GYG1: variants seen among roughly 807,000 people sequenced by gnomAD.
GYG1 encodes the protein glycogenin-1.
A neutral mutation model predicts 41.9 loss-of-function variants in GYG1; 44 were observed. The observed-to-expected ratio is 1.05, with a 90% CI of 0.83 to 1.35. The LOEUF (loss-of-function observed/expected upper bound fraction) is 1.35. GYG1 is among the 40% of genes most tolerant of loss of function. The pLI is 0.00. For missense variants in GYG1, 429 were observed against 418.9 expected, an observed-to-expected ratio of 1.02 and a Z score of -0.21; for synonymous variants, 141 against 158.1, an observed-to-expected ratio of 0.89 and a Z score of 0.81.
Position 148,991,580 on chromosome 3 carries a change from G to T in GYG1, c.-61G>T, listed in dbSNP as rs919946154. The T allele has an allele frequency of 1.3e-6, 2 of 1,541,832 alleles. No homozygotes were observed. The highest frequency in any genetic ancestry group is 1.7e-6 in the Non-Finnish European group (2 of 1,151,648). On this transcript the variant is annotated 5_prime_UTR_variant, in exon 1 of 8. Transcript: ENST00000345003. ...CTCGCTGGCCGCGCTCCCTCCCGGT[G>T]CCGGCTTCTCTGAGTCACCAACCTG...
intron 4 of GYG1, chr3:149,008,293 C>T (rs1255602268): frequency 1.3e-5 from 2 of 152,288 alleles, no homozygotes; most frequent in Non-Finnish European, 2.9e-5. Flanking sequence ...AGTGTACAAC[C>T]TGATCCCTAT....
At chr3:149,007,207 A>T (rs1490065710) in intron 4 of GYG1, among the ~76,000 whole-genome samples, 1 of 152,230 alleles carries the variant, frequency 6.6e-6, no homozygotes, top group African/African-American at 2.4e-5. Flanking sequence ...CACAAATCCT[A>T]TGCATGAGGG....
chr3:149,023,272 T>C (rs1285840855), intron 5 of GYG1, among the ~76,000 whole-genome samples: 4 of 152,232 alleles, frequency 2.6e-5, no homozygotes, highest in Non-Finnish European at 5.9e-5. Flanking sequence ...CCATAGGACA[T>C]GTCCAACATC....
rs1342482063 is a variant in GYG1, at chr3:149,027,229, G to C, written c.*296G>C. The C allele has an allele frequency of 2.4e-6, 1 of 423,546 alleles. No homozygotes were observed. The allele number at this position is 423,546 out of a possible 1,614,324, so 26.2% of individuals were successfully genotyped here. On this transcript the variant is annotated 3_prime_UTR_variant, in exon 8 of 8. Transcript: ENST00000345003. Reference sequence around the variant, plus strand: ...GGAAACTCAAGATATTAAGATGGCTGTATCAGTTCTTAAAATCTGCAGAGC... The same window carrying C: ...GGAAACTCAAGATATTAAGATGGCTCTATCAGTTCTTAAAATCTGCAGAGC...
intron 4 of GYG1, among the ~76,000 whole-genome samples, chr3:149,007,311 C>G (rs1713458850): frequency 6.6e-6 from 1 of 152,200 alleles, no homozygotes; most frequent in Non-Finnish European, 1.5e-5. Flanking sequence ...TTTGGGGTAT[C>G]TAAACATTGA....
At chr3:149,024,948 G>A (rs1043444180) in intron 6 of GYG1, among the ~76,000 whole-genome samples, 1 of 152,180 alleles carries the variant, frequency 6.6e-6, no homozygotes, top group Admixed American at 6.5e-5. Flanking sequence ...CAGAATGGTG[G>A]TGAATTATAA....
In GYG1 at chr3:149,029,604, A is replaced by G. The variant is rs1714843953; in HGVS notation, c.*2671A>G. Among the ~76,000 whole-genome samples the G allele has an allele frequency of 6.6e-6, 1 of 152,260 alleles. No homozygotes were observed. The highest frequency in any genetic ancestry group is 2.1e-4 in the South Asian group (1 of 4,836). On this transcript the variant is annotated 3_prime_UTR_variant, in exon 8 of 8. Coordinates refer to ENST00000345003, the MANE Select transcript of GYG1 (RefSeq NM_004130.4). Reference sequence around the variant, plus strand: ...AGAGCCAAACATCAAATGTGCCCTTATATTTTTAATGAATCTCATCCAAAT... The same window carrying G: ...AGAGCCAAACATCAAATGTGCCCTTGTATTTTTAATGAATCTCATCCAAAT...
At chr3:149,001,403 AT>A (rs1483702689) in intron 4 of GYG1, 1 of 152,222 alleles carries the variant, frequency 6.6e-6, no homozygotes, top group East Asian at 1.9e-4. Context: ...TTTAAGAGCT[AT>A]TGTTATGTCA....
chr3:149,005,395 GTTAA>G (rs1559837726), intron 4 of GYG1, among the ~76,000 whole-genome samples: 1 of 152,066 alleles, frequency 6.6e-6, no homozygotes, highest in African/African-American at 2.4e-5. Flanking sequence ...TAATATAAAT[GTTAA>G]TTAATGTTTA....
chr3:149,007,837 G>A lies in GYG1; in HGVS notation c.482-1439G>A, dbSNP rs76863582. Reference sequence around the variant, plus strand: ...GCACTCATGCACATGCACACACATCGTGAACTCCTGTTCTGCTGCTTGGGA... The same window carrying A: ...GCACTCATGCACATGCACACACATCATGAACTCCTGTTCTGCTGCTTGGGA... On this transcript the variant is annotated intron_variant, in intron 4 of 7. Coordinates refer to ENST00000345003, the MANE Select transcript of GYG1 (RefSeq NM_004130.4). Among the ~76,000 whole-genome samples, 133 of 152,226 alleles carry A rather than the reference G, an allele frequency of 8.7e-4. 1 individual carries two copies. The East Asian group carries it at 0.022, about 26-fold the overall frequency.
chr3:149,004,136 G>C (rs140473732), intron 4 of GYG1: 28 of 152,206 alleles, frequency 1.8e-4, no homozygotes, highest in Admixed American at 1.8e-3. Flanking sequence ...AAACAGATGC[G>C]ATGTGCCCCT....
At chr3:148,995,643 T>C (rs1396756960) in intron 2 of GYG1, among the ~76,000 whole-genome samples, 1 of 152,224 alleles carries the variant, frequency 6.6e-6, no homozygotes, top group South Asian at 2.1e-4. Flanking sequence ...ACGTCAAGTT[T>C]ACTGTGTGAA....
Position 149,030,453 on chromosome 3 carries a change from A to C in GYG1, c.*3520A>C, listed in dbSNP as rs559426193. ...GTGTGTTTTAAAAACAACTTTGTAA[A>C]TGTCTGGGCAAAGAAGCAAGCTGTC... is the stretch of plus-strand genomic sequence containing the variant. On this transcript the variant is annotated 3_prime_UTR_variant, in exon 8 of 8. Transcript: ENST00000345003. The C allele has an allele frequency of 6.7e-6, 1 of 149,666 alleles. No homozygotes were observed. Among genetic ancestry groups the C allele is most frequent in the African/African-American group, 2.4e-5 (1 of 41,476 alleles). 9.3% of individuals were successfully genotyped at this position (149,666 alleles called of 1,614,324 possible). A position where few individuals can be genotyped will look rare whatever the true frequency, so the allele number is the denominator to read the frequency against.
At chr3:148,993,647 AATAC>A (rs948820253) in intron 1 of GYG1, among the ~76,000 whole-genome samples, 3 of 152,206 alleles carry the variant, frequency 2.0e-5, no homozygotes, top group Admixed American at 6.5e-5. Context: ...TGTCTTAAAA[AATAC>A]ATACATACAT....
Position 149,002,701 on chromosome 3 carries a change from A to G in GYG1, c.481+5797A>G, listed in dbSNP as rs114798501. 8.3e-3 allele frequency among the ~76,000 whole-genome samples: 1,262 copies of G among 152,314 alleles called. 16 individuals carry two copies. The highest frequency in any genetic ancestry group is 0.029 in the African/African-American group (1,194 of 41,572). On this transcript the variant is annotated intron_variant, in intron 4 of 7. Coordinates refer to ENST00000345003, the MANE Select transcript of GYG1 (RefSeq NM_004130.4). ...ACTATAGGCAGTAATGATTATATCC[A>G]CCAAGCATTTTGTAGGAAGTTAGTT...
intron 4 of GYG1, among the ~76,000 whole-genome samples, chr3:149,006,902 C>G (rs1001492029): frequency 2.0e-5 from 3 of 152,234 alleles, no homozygotes; most frequent in African/African-American, 7.2e-5. Flanking sequence ...CCTCAGAATA[C>G]ATTAATTTGC....
chr3:149,025,306 G>GTT (rs1302319810), intron 6 of GYG1, among the ~76,000 whole-genome samples: 1 of 152,104 alleles, frequency 6.6e-6, no homozygotes, highest in Non-Finnish European at 1.5e-5. Flanking sequence ...ACCTAGATCC[G>GTT]TTGCATGCAC....
chr3:149,021,914 A>G (rs1714391555), intron 5 of GYG1, among the ~76,000 whole-genome samples: 2 of 152,026 alleles, frequency 1.3e-5, no homozygotes, highest in South Asian at 2.1e-4. Flanking sequence ...GTTCTGTCCC[A>G]TTTTACTTTT....
chr3:149,029,286 C>A lies in GYG1; in HGVS notation c.*2353C>A, dbSNP rs1714827034. Among the ~76,000 whole-genome samples, 1 of 152,144 alleles carries A rather than the reference C, an allele frequency of 6.6e-6. No homozygotes were observed. The highest frequency in any genetic ancestry group is 2.4e-5 in the African/African-American group (1 of 41,420). ...CTTAGTAAAATGTATAAAAAGGCAA[C>A]AGTAATTCAAATTACAAGATTTATA... On this transcript the variant is annotated 3_prime_UTR_variant, in exon 8 of 8. Transcript: ENST00000345003.
Sources: gnomAD v4.1 joint callset for allele counts (sites outside exome capture counted in the v4.1 genomes callset) on GRCh38, gnomAD v4.1.1 for gene constraint, MANE v1.5 for transcripts, NCBI Gene and HGNC (gene_info 2026-07-23, HGNC 2026-07-21) for gene names.